Variants in PDE10A observed in about 807,000 individuals in gnomAD.
PDE10A encodes phosphodiesterase 10A.
In PDE10A, 39 loss-of-function variants were observed where a neutral mutation model predicts 97.7. That is an observed-to-expected ratio of 0.40 (90% CI 0.31 to 0.52). The LOEUF (loss-of-function observed/expected upper bound fraction) is 0.52. Among genes scored for constraint, PDE10A ranks in the 20% least tolerant of loss-of-function variants. The probability of loss-of-function intolerance (pLI) is 0.56; values close to 1 mark genes in which losing one functional copy is unlikely to be tolerated. For synonymous variants in PDE10A, 371 were observed against 376.8 expected, an observed-to-expected ratio of 0.98 and a Z score of 0.18; for missense variants, 731 against 1,047.8, an observed-to-expected ratio of 0.70 and a Z score of 4.17.
chr6:165,572,977 G>T (rs1213824074), intron 1 of PDE10A, among the ~76,000 whole-genome samples: 2 of 152,122 alleles, frequency 1.3e-5, no homozygotes, highest in Admixed American at 1.3e-4. Flanking sequence ...AAGTTTAGAT[G>T]ACAATGCAAA....
At chr6:165,805,599 G>T (rs986548127) in intron 1 of PDE10A, among the ~76,000 whole-genome samples, 1 of 152,070 alleles carries the variant, frequency 6.6e-6, no homozygotes, top group Non-Finnish European at 1.5e-5. Flanking sequence ...TCAACTCTAT[G>T]TACAGGTATA....
In PDE10A at chr6:165,343,429, A is replaced by C; in HGVS notation, c.2857T>G (p.Leu953Val). The C allele has an allele frequency of 6.2e-7, 1 of 1,614,040 alleles. No individual in the cohort carries two copies. Among genetic ancestry groups the C allele is most frequent in the Non-Finnish European group, 8.5e-7 (1 of 1,179,924 alleles). Residue 953 changes from leucine to valine, a missense_variant, in exon 19 of 22, where the codon TTG becomes GTG. Coordinates refer to ENST00000539869, the MANE Select transcript of PDE10A (RefSeq NM_001385079.1). ...TCTGCATATATATCATTTGCCGTCA[A>C]TTTTGTAACGGGCCACAGTTTTGTC... ...SVTKLWPVTK[L>V]TANDIYAEFW... is the part of the protein sequence containing the mutation.
In PDE10A at chr6:165,679,717, A is replaced by G. The variant is rs925662961; in HGVS notation, c.-614-136149T>C. 2.6e-5 allele frequency among the ~76,000 whole-genome samples: 4 copies of G among 152,242 alleles called. No homozygotes were observed. In the East Asian group the frequency reaches 7.7e-4, roughly 29 times the overall value. Reference sequence around the variant, plus strand: ...TACAGAAACGGTTCAAGCCTCATCCATCGCTGTGATGTCTTTCTCTCTCCT... The same window carrying G: ...TACAGAAACGGTTCAAGCCTCATCCGTCGCTGTGATGTCTTTCTCTCTCCT... On this transcript the variant is annotated intron_variant, in intron 1 of 19. Transcript: ENST00000366882.
chr6:165,881,728 C>A (rs1174079768), intron 1 of PDE10A, among the ~76,000 whole-genome samples: 1 of 152,062 alleles, frequency 6.6e-6, no homozygotes, highest in Non-Finnish European at 1.5e-5. Context: ...CAGCCTCCCC[C>A]AGGTTGCATT....
chr6:165,773,719 G>A (rs1294751435), intron 1 of PDE10A, among the ~76,000 whole-genome samples: 2 of 152,268 alleles, frequency 1.3e-5, no homozygotes, highest in Admixed American at 6.5e-5. Flanking sequence ...TTAAGAATTA[G>A]GAAAGAGAGT....
intron 1 of PDE10A, among the ~76,000 whole-genome samples, chr6:165,721,717 T>G (rs1394758586): frequency 6.6e-6 from 1 of 152,254 alleles, no homozygotes; most frequent in South Asian, 2.1e-4. Context: ...CAGTAATTGC[T>G]CAGTCTCCAT....
At chr6:165,848,902 C>A (rs1215745030) in intron 1 of PDE10A, among the ~76,000 whole-genome samples, 1 of 152,160 alleles carries the variant, frequency 6.6e-6, no homozygotes, top group Non-Finnish European at 1.5e-5. Context: ...GGAATTCTCA[C>A]CCAGAGTCTC....
At chr6:165,381,467 A>G (rs962652602) in intron 17 of PDE10A, among the ~76,000 whole-genome samples, 1 of 151,970 alleles carries the variant, frequency 6.6e-6, no homozygotes. Context: ...ACAAACAAAA[A>G]ATAAATATCT....
chr6:165,578,788 C>T (rs767808451), intron 1 of PDE10A, among the ~76,000 whole-genome samples: 8 of 152,190 alleles, frequency 5.3e-5, no homozygotes, highest in Non-Finnish European at 8.8e-5. Context: ...GCATCTATTG[C>T]GCCTCTGCTA....
chr6:165,795,608 G>T (rs185428337), intron 1 of PDE10A, among the ~76,000 whole-genome samples: 1 of 150,940 alleles, frequency 6.6e-6, no homozygotes, highest in East Asian at 1.9e-4. Flanking sequence ...AAAAAAACCA[G>T]CAGACGCGGT....
At chr6:165,482,985 C>CA (rs1314105337) in intron 2 of PDE10A, among the ~76,000 whole-genome samples, 3 of 152,160 alleles carry the variant, frequency 2.0e-5, no homozygotes, top group Admixed American at 6.5e-5. Context: ...GGGCTGGCTA[C>CA]AGGCAAGAAG....
At chr6:165,750,704 G>A (rs1350904181) in intron 1 of PDE10A, among the ~76,000 whole-genome samples, 1 of 152,086 alleles carries the variant, frequency 6.6e-6, no homozygotes, top group Non-Finnish European at 1.5e-5. Context: ...TTCTGATGCA[G>A]GTACTTTTTG....
At position 165,819,160 on chromosome 6, in the gene PDE10A, C is replaced by A. The variant is rs1410040762; in HGVS notation, c.-615+168369G>T. Among the ~76,000 whole-genome samples, 5 of 152,180 alleles carry A rather than the reference C, an allele frequency of 3.3e-5. No homozygotes were observed. In the South Asian group the frequency reaches 1.0e-3, roughly 32 times the overall value. On this transcript the variant is annotated intron_variant, in intron 1 of 19. Coordinates refer to the PDE10A transcript ENST00000366882. The surrounding 1 kb of genome is among the most constrained non-coding windows in gnomAD (Gnocchi z 4.2). ...CCAGTTTTCAAAACCGAGTTCATCT[C>A]TGCACCTGCTCCCTCATCTGCTCCC...
chr6:165,608,058 A>ACATG (rs1357967181), intron 1 of PDE10A, among the ~76,000 whole-genome samples: 192 of 147,972 alleles, frequency 1.3e-3, no homozygotes, highest in African/African-American at 4.6e-3. Context: ...TCTTGTATAT[A>ACATG]TATGTATATA....
rs142716028 is a variant in PDE10A at position 165,826,961 on chromosome 6, A to G, written c.-615+160568T>C. ...AGGGGCAGGGAGGTAGGAAGTGGGG[A>G]CAGAGGGACATCAGGAGGGGCACGG... On this transcript the variant is annotated intron_variant, in intron 1 of 19. Coordinates refer to the PDE10A transcript ENST00000366882. Among the ~76,000 whole-genome samples, 699 of 151,956 alleles carry G rather than the reference A, an allele frequency of 4.6e-3. 8 individuals carry two copies. The highest frequency in any genetic ancestry group is 0.016 in the African/African-American group (672 of 41,450).
chr6:165,796,188 C>G (rs978653429), intron 1 of PDE10A, among the ~76,000 whole-genome samples: 1 of 150,564 alleles, frequency 6.6e-6, no homozygotes, highest in Admixed American at 6.6e-5. Context: ...CTCCGCCTCC[C>G]GAGTTCACGC....
At chr6:165,357,610 CA>C (rs1240269268) in intron 18 of PDE10A, among the ~76,000 whole-genome samples, 1 of 152,024 alleles carries the variant, frequency 6.6e-6, no homozygotes, top group Non-Finnish European at 1.5e-5. Context: ...CTGGATTTCT[CA>C]AAAAATTTAT....
At chr6:165,579,008 C>A (rs970871771) in intron 1 of PDE10A, among the ~76,000 whole-genome samples, 4 of 152,172 alleles carry the variant, frequency 2.6e-5, no homozygotes, top group African/African-American at 9.7e-5. Context: ...CACGAACAGA[C>A]AAGACGGAAA....
chr6:165,794,336 A>C (rs1433216478), intron 1 of PDE10A, among the ~76,000 whole-genome samples: 1 of 149,588 alleles, frequency 6.7e-6, no homozygotes, highest in Non-Finnish European at 1.5e-5. Flanking sequence ...CACACTCATA[A>C]ACACCCAGAC....
Sources: gnomAD v4.1 joint callset for allele counts (sites outside exome capture counted in the v4.1 genomes callset) on GRCh38, gnomAD v4.1.1 for gene constraint, Gnocchi (gnomAD v3.1) non-coding constraint, MANE v1.5 for transcripts, NCBI Gene and HGNC (gene_info 2026-07-23, HGNC 2026-07-21) for gene names.